Variants in NFIB observed in about 807,000 individuals in gnomAD.
NFIB encodes the protein nuclear factor I B.
In NFIB, 11 loss-of-function variants were observed where a neutral mutation model predicts 61.5. That is an observed-to-expected ratio of 0.18 (90% CI 0.11 to 0.30). The LOEUF is 0.30. Ranked by LOEUF, NFIB falls within the 10% of genes least tolerant of loss-of-function variation. The pLI is 1.00. For missense variants in NFIB, 471 were observed against 608.9 expected (o/e 0.77, Z 2.38); for synonymous variants, 260 against 216.5 (o/e 1.20, Z -1.76).
the NFIB span, among the ~76,000 whole-genome samples, chr9:14,530,634 C>T: frequency 6.6e-6 from 1 of 152,120 alleles, no homozygotes; most frequent in Non-Finnish European, 1.5e-5. Flanking sequence ...GCATAACATC[C>T]ACCTTTCAGG....
intron 6 of NFIB, among the ~76,000 whole-genome samples, chr9:14,133,664 C>T (rs981937218): frequency 2.4e-4 from 37 of 152,072 alleles, no homozygotes; most frequent in African/African-American, 8.5e-4. Context: ...TCTGTTTTTG[C>T]CCTGGGATAA....
intron 2 of NFIB, among the ~76,000 whole-genome samples, chr9:14,227,844 T>G (rs1245505662): frequency 6.6e-6 from 1 of 152,174 alleles, no homozygotes; most frequent in Non-Finnish European, 1.5e-5. Context: ...AGAGGAACCT[T>G]CTGAACCTCT....
At chr9:14,498,915 A>T in the NFIB span, among the ~76,000 whole-genome samples, 1 of 151,458 alleles carries the variant, frequency 6.6e-6, no homozygotes, top group Non-Finnish European at 1.5e-5. Context: ...AGCACTGGAG[A>T]TTAAGTGATC....
At chr9:14,355,878 A>T (rs1289508975) in intron 1 of NFIB, among the ~76,000 whole-genome samples, 2 of 151,876 alleles carry the variant, frequency 1.3e-5, no homozygotes, top group African/African-American at 4.8e-5. Flanking sequence ...AATGGCATGA[A>T]CCCGGGAGGC....
At chr9:14,140,211 A>G (rs1013109970) in intron 6 of NFIB, among the ~76,000 whole-genome samples, 1 of 152,204 alleles carries the variant, frequency 6.6e-6, no homozygotes, top group Non-Finnish European at 1.5e-5. Context: ...TATGGTTACT[A>G]AGCTGTCTGC....
chr9:14,436,775 A>G, the NFIB span, among the ~76,000 whole-genome samples: 17 of 152,322 alleles, frequency 1.1e-4, no homozygotes, highest in African/African-American at 2.9e-4. Flanking sequence ...CATGACTCAC[A>G]AAGACTTGGG....
At chr9:14,522,824 T>C in the NFIB span, among the ~76,000 whole-genome samples, 1 of 152,246 alleles carries the variant, frequency 6.6e-6, no homozygotes, top group South Asian at 2.1e-4. Flanking sequence ...GTAAGAACTG[T>C]TGAAGGTGAA....
At chr9:14,427,934 G>GTTTTTTTTTTTTTTTTTTTTTTTTTTTT in the NFIB span, among the ~76,000 whole-genome samples, 12 of 25,942 alleles carry the variant, frequency 4.6e-4, 2 homozygotes, top group Non-Finnish European at 8.3e-4. Context: ...CTTTAATTCA[G>GTTTTTTTTTTTTTTTTTTTTTTTTTTTT]TTGTTTTTTT....
intron 2 of NFIB, among the ~76,000 whole-genome samples, chr9:14,241,852 T>C (rs574505793): frequency 6.6e-6 from 1 of 152,328 alleles, no homozygotes; most frequent in African/African-American, 2.4e-5. Flanking sequence ...CAATTGTATG[T>C]CTAATTTTTT....
the NFIB span, among the ~76,000 whole-genome samples, chr9:14,509,369 A>G: frequency 6.6e-6 from 1 of 152,228 alleles, no homozygotes; most frequent in African/African-American, 2.4e-5. Flanking sequence ...TGGCAAAATT[A>G]GTTCCTTAAG....
At chr9:14,156,601 C>T (rs1174345647) in intron 3 of NFIB, among the ~76,000 whole-genome samples, 2 of 152,142 alleles carry the variant, frequency 1.3e-5, no homozygotes, top group African/African-American at 4.8e-5. Context: ...CCACATGACC[C>T]TTAAGTCACA....
At chr9:14,531,575 A>G in the NFIB span, among the ~76,000 whole-genome samples, 25 of 152,208 alleles carry the variant, frequency 1.6e-4, no homozygotes, top group Non-Finnish European at 3.1e-4. Context: ...CTGTTTTAAG[A>G]CCAATGCAAG....
At position 14,200,819 on chromosome 9, in the gene NFIB, C is replaced by T. The variant is rs139582707; in HGVS notation, c.563-21039G>A. Among the ~76,000 whole-genome samples, 710 of 152,238 alleles carry T rather than the reference C, an allele frequency of 4.7e-3. 5 individuals are homozygous for T. The highest frequency in any genetic ancestry group is 0.016 in the African/African-American group (677 of 41,536). On this transcript the variant is annotated intron_variant, in intron 2 of 10. Transcript: ENST00000380953. ...CTAGGTCCATGTTTACAAATACTACCCGTTTTTTGAGAACTCTGTATCTCC... is the reference window on the plus strand; with the variant it reads ...CTAGGTCCATGTTTACAAATACTACTCGTTTTTTGAGAACTCTGTATCTCC...
At chr9:14,418,432 AC>A in the NFIB span, among the ~76,000 whole-genome samples, 1 of 151,814 alleles carries the variant, frequency 6.6e-6, no homozygotes, top group African/African-American at 2.4e-5. Context: ...ATGAACCCCC[AC>A]CCCCATCTCT....
intron 2 of NFIB, among the ~76,000 whole-genome samples, chr9:14,225,406 G>C (rs35372188): frequency 0.12 from 16,038 of 134,018 alleles, 1,043 homozygotes; most frequent in Middle Eastern, 0.17. Flanking sequence ...GCAGTGAGCC[G>C]AGATCCCGCC....
chr9:14,116,518 G>T (rs1483586088), intron 8 of NFIB, among the ~76,000 whole-genome samples, 172 bp from the exon 9 acceptor site: 1 of 152,234 alleles, frequency 6.6e-6, no homozygotes, highest in Non-Finnish European at 1.5e-5. Context: ...TAGTAATAAG[G>T]AGCAGCAGCA....
intron 9 of NFIB, among the ~76,000 whole-genome samples, chr9:14,115,530 T>C (rs2037994583): frequency 6.6e-6 from 1 of 152,178 alleles, no homozygotes; most frequent in African/African-American, 2.4e-5. Context: ...GAAGGTTCAC[T>C]GGCTAAATCT....
At chr9:14,520,638 T>A in the NFIB span, among the ~76,000 whole-genome samples, 1 of 152,238 alleles carries the variant, frequency 6.6e-6, no homozygotes, top group African/African-American at 2.4e-5. Context: ...TCTGTGCAGA[T>A]ATTAAATTTA....
Position 14,083,031 on chromosome 9 carries a change from A to G in NFIB, c.*5278T>C, listed in dbSNP as rs1357053911. On this transcript the variant is annotated 3_prime_UTR_variant, in exon 11 of 11. Transcript: ENST00000380953. ...GCACTGAAGCGCTTTTCACAATCTCAACATACATTTGAATTGCAACACACA... is the reference window on the plus strand; with the variant it reads ...GCACTGAAGCGCTTTTCACAATCTCGACATACATTTGAATTGCAACACACA... 4 of 209,246 alleles carry G rather than the reference A, an allele frequency of 1.9e-5. No homozygotes were observed. The East Asian group carries it at 2.9e-4, about 15-fold the overall frequency. The allele number at this position is 209,246 out of a possible 1,614,324, so 13.0% of individuals were successfully genotyped here.
Sources: gnomAD v4.1 joint callset for allele counts (sites outside exome capture counted in the v4.1 genomes callset) on GRCh38, gnomAD v4.1.1 for gene constraint, MANE v1.5 for transcripts, NCBI Gene and HGNC (gene_info 2026-07-23, HGNC 2026-07-21) for gene names.